The following COL23A1 variants were observed in gnomAD, a reference collection of about 807,000 sequenced individuals.
COL23A1 encodes the protein collagen alpha-1(XXIII) chain.
In COL23A1, 97 loss-of-function variants were observed where a neutral mutation model predicts 99.3. The ratio of observed to expected loss-of-function variants is 0.98; its 90% CI spans 0.83 to 1.16. The LOEUF (loss-of-function observed/expected upper bound fraction) is 1.16, where lower values mean the gene tolerates loss of function less well. COL23A1 is among the 50% of genes most tolerant of loss of function. The pLI is 0.00. For missense variants in COL23A1, 762 were observed against 757.4 expected (o/e 1.01, Z -0.07); for synonymous variants, 320 against 308.2 (o/e 1.04, Z -0.40).
intron 2 of COL23A1, among the ~76,000 whole-genome samples, chr5:178,448,914 T>C (rs1056696797): frequency 6.6e-6 from 1 of 151,776 alleles, no homozygotes; most frequent in Non-Finnish European, 1.5e-5. Context: ...AATAAAGTTT[T>C]TTTTTTTTTT....
At chr5:178,435,307 G>C (rs577246151) in intron 2 of COL23A1, among the ~76,000 whole-genome samples, 9 of 152,322 alleles carry the variant, frequency 5.9e-5, no homozygotes, top group Admixed American at 2.6e-4. Context: ...TCCTGGCCCA[G>C]GCTGGCTCTG....
At chr5:178,270,017 C>T (rs972634979) in intron 6 of COL23A1, among the ~76,000 whole-genome samples, 2 of 152,216 alleles carry the variant, frequency 1.3e-5, no homozygotes, top group African/African-American at 4.8e-5. Flanking sequence ...GAGGTGCTCG[C>T]ATGCTTTGAG....
intron 2 of COL23A1, among the ~76,000 whole-genome samples, chr5:178,465,856 A>C (rs1756389390): frequency 6.6e-6 from 1 of 152,208 alleles, no homozygotes; most frequent in Non-Finnish European, 1.5e-5. Flanking sequence ...TGGGGTGGTC[A>C]GTACCAACCA....
chr5:178,413,992 A>G (rs1243633488), intron 2 of COL23A1, among the ~76,000 whole-genome samples: 3 of 152,172 alleles, frequency 2.0e-5, no homozygotes, highest in Non-Finnish European at 2.9e-5. Flanking sequence ...TGCCCCAAGC[A>G]TGAAGTCCAA....
At chr5:178,354,152 A>G (rs1252554670) in intron 2 of COL23A1, among the ~76,000 whole-genome samples, 2 of 150,136 alleles carry the variant, frequency 1.3e-5, no homozygotes, top group South Asian at 4.2e-4. Flanking sequence ...TTTTTTTTTC[A>G]GTTTTATAAT....
chr5:178,287,656 A>G (rs915122975), intron 5 of COL23A1, among the ~76,000 whole-genome samples: 10 of 152,164 alleles, frequency 6.6e-5, no homozygotes, highest in Non-Finnish European at 1.3e-4. Flanking sequence ...CTGGAGGCAC[A>G]AAATGAATCT....
intron 2 of COL23A1, among the ~76,000 whole-genome samples, chr5:178,502,084 A>G (rs1457078112): frequency 6.6e-6 from 1 of 152,240 alleles, no homozygotes; most frequent in East Asian, 1.9e-4. Context: ...TTCCATGATC[A>G]ATGATCTGTA....
chr5:178,496,173 C>T (rs1225896820), intron 2 of COL23A1, among the ~76,000 whole-genome samples: 2 of 152,116 alleles, frequency 1.3e-5, no homozygotes, highest in Admixed American at 6.5e-5. Context: ...ATTAAAATAC[C>T]GACCCCCTTT....
At chr5:178,311,142 G>A (rs985228314) in intron 2 of COL23A1, among the ~76,000 whole-genome samples, 11 of 152,168 alleles carry the variant, frequency 7.2e-5, no homozygotes, top group Non-Finnish European at 1.2e-4. Flanking sequence ...GTATTTCACC[G>A]TGGGTGCCAC....
intron 2 of COL23A1, among the ~76,000 whole-genome samples, chr5:178,535,414 C>T (rs1562063687): frequency 6.6e-6 from 1 of 152,254 alleles, no homozygotes; most frequent in Non-Finnish European, 1.5e-5. Context: ...TGGGTGTGGG[C>T]AAGGCCACAA....
rs765261468 is a variant in COL23A1, at chr5:178,387,133, C to T, written c.362-80214G>A. Among the ~76,000 whole-genome samples, 23 of 152,142 alleles carry T rather than the reference C, an allele frequency of 1.5e-4. No individual in the cohort carries two copies. The highest frequency in any genetic ancestry group is 2.8e-4 in the Non-Finnish European group (19 of 67,998). On this transcript the variant is annotated intron_variant, in intron 2 of 28. Transcript: ENST00000390654. This position sits in a 1 kb window ranked among gnomAD's most constrained non-coding sequence, Gnocchi z 4.7. ...TTCTCATCACCCCGTCTGGAACCAACAACACCCTCTTTTCTCTTTCATTTT... is the reference window on the plus strand; with the variant it reads ...TTCTCATCACCCCGTCTGGAACCAATAACACCCTCTTTTCTCTTTCATTTT...
Position 178,263,315 on chromosome 5 carries a change from C to G in COL23A1, c.532G>C (p.Gly178Arg). Reference protein sequence around the residue: ...PGDFGPRGDQGQDGAAGPPGP... With the variant: ...PGDFGPRGDQRQDGAAGPPGP... ...GGAGGCCCAGCAGCTCCATCTTGTCCTTGGTCTCCCTGAAAGAGATGGGGC... is the reference window on the plus strand; with the variant it reads ...GGAGGCCCAGCAGCTCCATCTTGTCGTTGGTCTCCCTGAAAGAGATGGGGC... The change falls in exon 9 of 29, where the codon GGA becomes CGA. Residue 178 changes from glycine to arginine, a missense_variant. Physicochemically the swap from Gly to Arg is moderately radical, Grantham distance 125 (BLOSUM62 -2). Coordinates refer to ENST00000390654, the MANE Select transcript of COL23A1 (RefSeq NM_173465.4). The G allele has an allele frequency of 6.3e-7, 1 of 1,593,784 alleles. No individual in the cohort carries two copies. The highest frequency in any genetic ancestry group is 8.5e-7 in the Non-Finnish European group (1 of 1,171,812).
intron 2 of COL23A1, among the ~76,000 whole-genome samples, chr5:178,331,390 C>G (rs1414986903): frequency 6.6e-6 from 1 of 152,254 alleles, no homozygotes. Flanking sequence ...CTGCATGGCC[C>G]TGGGCAAGCC....
At chr5:178,437,547 C>T (rs1217394975) in intron 2 of COL23A1, among the ~76,000 whole-genome samples, 1 of 152,138 alleles carries the variant, frequency 6.6e-6, no homozygotes, top group Non-Finnish European at 1.5e-5. Context: ...GAGCTGGGCC[C>T]CAGCCGCTAT....
chr5:178,425,466 TA>T (rs1554164978), intron 2 of COL23A1, among the ~76,000 whole-genome samples: 3 of 130,482 alleles, frequency 2.3e-5, no homozygotes, highest in Admixed American at 7.4e-5. Flanking sequence ...AATAAATAAA[TA>T]AAAATAAAAT....
intron 2 of COL23A1, among the ~76,000 whole-genome samples, chr5:178,555,823 G>A (rs1321519529): frequency 6.6e-6 from 1 of 152,180 alleles, no homozygotes; most frequent in Non-Finnish European, 1.5e-5. Context: ...TTCACAGACG[G>A]TGGAGGCCGG....
At chr5:178,426,969 G>C (rs907931305) in intron 2 of COL23A1, among the ~76,000 whole-genome samples, 2 of 152,190 alleles carry the variant, frequency 1.3e-5, no homozygotes, top group African/African-American at 4.8e-5. Context: ...GGCCGAGGCA[G>C]GTGGATCACT....
intron 2 of COL23A1, among the ~76,000 whole-genome samples, chr5:178,550,718 C>T (rs551556319): frequency 1.3e-5 from 2 of 152,264 alleles, no homozygotes; most frequent in Admixed American, 6.5e-5. Flanking sequence ...AAGGCCGCTA[C>T]AGCATGTGGG....
intron 2 of COL23A1, among the ~76,000 whole-genome samples, chr5:178,412,598 G>A (rs1441327825): frequency 6.6e-6 from 1 of 152,152 alleles, no homozygotes; most frequent in Non-Finnish European, 1.5e-5. Flanking sequence ...GGATTACAGA[G>A]ATCATATTTT....
Sources: gnomAD v4.1 joint callset for allele counts (sites outside exome capture counted in the v4.1 genomes callset) on GRCh38, gnomAD v4.1.1 for gene constraint, Gnocchi (gnomAD v3.1) non-coding constraint, MANE v1.5 for transcripts, NCBI Gene and HGNC (gene_info 2026-07-23, HGNC 2026-07-21) for gene names.